RSPO2: variants seen among roughly 807,000 people sequenced by gnomAD.
The protein encoded by RSPO2 is R-spondin-2.
Under a neutral mutation model 30.9 loss-of-function variants are expected in RSPO2, and 14 were observed. The ratio of observed to expected loss-of-function variants is 0.45; its 90% CI spans 0.30 to 0.71. RSPO2 has a LOEUF of 0.71. Among genes scored for constraint, RSPO2 ranks in the 30% least tolerant of loss-of-function variants. The probability of loss-of-function intolerance (pLI) is 0.08; values close to 1 mark genes in which losing one functional copy is unlikely to be tolerated. For synonymous variants in RSPO2, 107 were observed against 96.4 expected, an observed-to-expected ratio of 1.11 and a Z score of -0.64; for missense variants, 264 against 301.9, an observed-to-expected ratio of 0.87 and a Z score of 0.93.
At chr8:108,054,920 C>A (rs1333576232) in intron 2 of RSPO2, among the ~76,000 whole-genome samples, 1 of 152,066 alleles carries the variant, frequency 6.6e-6, no homozygotes, top group African/African-American at 2.4e-5. Flanking sequence ...TCAAGACAAG[C>A]CTGGGCAACA....
chr8:107,905,369 A>C (rs1480777848), intron 5 of RSPO2, among the ~76,000 whole-genome samples: 1 of 152,112 alleles, frequency 6.6e-6, no homozygotes, highest in African/African-American at 2.4e-5. Context: ...CTCTATATAT[A>C]TATGTATACG....
At chr8:108,054,000 A>G (rs1158330277) in intron 2 of RSPO2, among the ~76,000 whole-genome samples, 1 of 152,162 alleles carries the variant, frequency 6.6e-6, no homozygotes, top group African/African-American at 2.4e-5. Flanking sequence ...TCCTATGTAT[A>G]TCATTATTTC....
At chr8:108,015,621 T>TCA (rs1309495421) in intron 2 of RSPO2, among the ~76,000 whole-genome samples, 19 of 151,996 alleles carry the variant, frequency 1.3e-4, no homozygotes, top group Non-Finnish European at 1.5e-5. Flanking sequence ...ATCAAATGCC[T>TCA]CACCCCCAAC....
chr8:107,966,333 G>A (rs975726768), intron 3 of RSPO2, among the ~76,000 whole-genome samples: 2 of 152,052 alleles, frequency 1.3e-5, no homozygotes, highest in Admixed American at 1.3e-4. Flanking sequence ...GTACATAGAA[G>A]CACAGATGAG....
intron 2 of RSPO2, among the ~76,000 whole-genome samples, chr8:108,061,953 T>G: frequency 6.6e-6 from 1 of 151,754 alleles, no homozygotes; most frequent in Non-Finnish European, 1.5e-5. Flanking sequence ...CATAACGAAA[T>G]GAAGGCAGAA....
At chr8:107,940,428 A>G (rs186641946) in intron 5 of RSPO2, among the ~76,000 whole-genome samples, 5 of 152,230 alleles carry the variant, frequency 3.3e-5, no homozygotes, top group Non-Finnish European at 5.9e-5. Context: ...CTATGGTTCT[A>G]TATTTTTATT....
chr8:108,058,529 T>C (rs200898142), intron 2 of RSPO2, among the ~76,000 whole-genome samples: 11 of 152,128 alleles, frequency 7.2e-5, no homozygotes, highest in Admixed American at 4.6e-4. Flanking sequence ...AAAAAGAGCC[T>C]GCATCGCCAA....
At position 107,917,550 on chromosome 8, in the gene RSPO2, T is replaced by G. The variant is rs531607837; in HGVS notation, c.617-16360A>C. Among the ~76,000 whole-genome samples, 3 of 152,312 alleles carry G rather than the reference T, an allele frequency of 2.0e-5. No homozygotes were observed. The East Asian group carries it at 5.8e-4, about 29-fold the overall frequency. ...TATCCAGTGTTTTAAACCTTTGATA[T>G]TTGACAAACTTTCCAAAATCAAATT... On this transcript the variant is annotated intron_variant, in intron 5 of 5. Coordinates refer to ENST00000276659, the MANE Select transcript of RSPO2 (RefSeq NM_178565.5).
At chr8:108,077,021 G>A (rs1331841470) in intron 2 of RSPO2, among the ~76,000 whole-genome samples, 8 of 152,126 alleles carry the variant, frequency 5.3e-5, no homozygotes, top group Non-Finnish European at 7.4e-5. Flanking sequence ...TACCGATGCT[G>A]GACTTGGCAA....
intron 2 of RSPO2, among the ~76,000 whole-genome samples, chr8:108,005,916 G>C (rs1208650875): frequency 6.6e-6 from 1 of 152,080 alleles, no homozygotes; most frequent in African/African-American, 2.4e-5. Context: ...ATACACCTTG[G>C]CTGATTGTAT....
chr8:108,079,614 A>G (rs1049956835), intron 2 of RSPO2, among the ~76,000 whole-genome samples: 1 of 152,038 alleles, frequency 6.6e-6, no homozygotes, highest in Admixed American at 6.6e-5. Flanking sequence ...AGCATGTGAG[A>G]TCATAGAGCA....
chr8:107,958,327 T>A (rs1813499767), intron 4 of RSPO2, 59 bp from the exon 5 acceptor site: 1 of 1,366,896 alleles, frequency 7.3e-7, no homozygotes, highest in Non-Finnish European at 1.0e-6. Context: ...AGTATCCATT[T>A]GCTTCACTGT....
At chr8:107,917,645 G>A (rs1442324771) in intron 5 of RSPO2, among the ~76,000 whole-genome samples, 1 of 152,084 alleles carries the variant, frequency 6.6e-6, no homozygotes, top group Non-Finnish European at 1.5e-5. Flanking sequence ...CAAATCATGT[G>A]TTTGGCTTAT....
chr8:107,989,297 G>A (rs1285925824), intron 2 of RSPO2, 53 bp from the exon 3 acceptor site: 3 of 1,164,920 alleles, frequency 2.6e-6, no homozygotes, highest in South Asian at 1.7e-5. Context: ...TCAGATTTTT[G>A]GTAAATACAC....
At chr8:108,011,007 T>C (rs1350404902) in intron 2 of RSPO2, among the ~76,000 whole-genome samples, 2 of 151,090 alleles carry the variant, frequency 1.3e-5, no homozygotes, top group Non-Finnish European at 3.0e-5. Flanking sequence ...GTAGTGCACA[T>C]CTATAGTCCC....
intron 5 of RSPO2, among the ~76,000 whole-genome samples, chr8:107,933,267 C>T (rs1446204847): frequency 1.3e-5 from 2 of 152,154 alleles, no homozygotes. Context: ...AGCATTACAA[C>T]CTAGTCCATG....
At chr8:107,984,219 A>C (rs1012469923) in intron 3 of RSPO2, among the ~76,000 whole-genome samples, 1 of 152,234 alleles carries the variant, frequency 6.6e-6, no homozygotes, top group Non-Finnish European at 1.5e-5. Flanking sequence ...GTTTCTCCTG[A>C]TCCAAACCAA....
chr8:107,990,303 G>C (rs1368683269), intron 2 of RSPO2, among the ~76,000 whole-genome samples: 7 of 152,102 alleles, frequency 4.6e-5, no homozygotes, highest in African/African-American at 1.7e-4. Context: ...CAGAAGGAAA[G>C]AGTAAAGAGA....
Position 108,074,161 on chromosome 8 carries a change from T to C in RSPO2, c.94+8384A>G, listed in dbSNP as rs180727385. Among the ~76,000 whole-genome samples, 34 of 152,312 alleles carry C rather than the reference T, an allele frequency of 2.2e-4. 1 individual carries two copies. In the East Asian group the frequency reaches 6.6e-3, roughly 29 times the overall value. On this transcript the variant is annotated intron_variant, in intron 2 of 5. Coordinates refer to ENST00000276659, the MANE Select transcript of RSPO2 (RefSeq NM_178565.5). ...CCTTCTGAAAACAAATGTGCTAAAC[T>C]GGGTAACTTCTATTTTATAAGTGCT... is the stretch of plus-strand genomic sequence containing the variant.
Sources: allele counts gnomAD v4.1 joint callset (sites outside exome capture counted in the v4.1 genomes callset), GRCh38; gene constraint gnomAD v4.1.1; transcripts MANE v1.5; gene names NCBI Gene and HGNC (gene_info 2026-07-23, HGNC 2026-07-21).